MGAT4C: variants seen among roughly 807,000 people sequenced by gnomAD.
MGAT4C encodes alpha-1,3-mannosyl-glycoprotein 4-beta-N-acetylglucosaminyltransferase C.
Under a neutral mutation model 40.1 loss-of-function variants are expected in MGAT4C, and 19 were observed. The ratio of observed to expected loss-of-function variants is 0.47; its 90% CI spans 0.33 to 0.70. The LOEUF is 0.70. MGAT4C is among the 30% of genes least tolerant of loss of function. The pLI is 0.02. For missense variants in MGAT4C, 491 were observed against 563.2 expected (o/e 0.87, Z 1.30); for synonymous variants, 181 against 187.1 (o/e 0.97, Z 0.27).
At chr12:86,664,327 G>A (rs1964048908) in intron 2 of MGAT4C, among the ~76,000 whole-genome samples, 1 of 150,442 alleles carries the variant, frequency 6.6e-6, no homozygotes, top group African/African-American at 2.5e-5. Context: ...CCCTTTGCAG[G>A]ATTCCTTCTG....
At chr12:86,588,970 C>G (rs1375421838) in intron 2 of MGAT4C, among the ~76,000 whole-genome samples, 1 of 150,786 alleles carries the variant, frequency 6.6e-6, no homozygotes, top group Non-Finnish European at 1.5e-5. Context: ...AAAATTGACA[C>G]CCTAACGTCA....
At chr12:86,196,256 G>T (rs1949797312) in intron 1 of MGAT4C, among the ~76,000 whole-genome samples, 1 of 152,154 alleles carries the variant, frequency 6.6e-6, no homozygotes. Flanking sequence ...AAGGACACCA[G>T]CCCTGTTTGC....
At chr12:86,364,152 A>C (rs1193641682) in intron 3 of MGAT4C, among the ~76,000 whole-genome samples, 5 of 152,042 alleles carry the variant, frequency 3.3e-5, no homozygotes, top group South Asian at 2.1e-4. Flanking sequence ...AATTACAGTA[A>C]TCCTACAGAA....
chr12:86,836,721 T>C (rs1328944748), intron 1 of MGAT4C, among the ~76,000 whole-genome samples: 1 of 152,100 alleles, frequency 6.6e-6, no homozygotes, highest in African/African-American at 2.4e-5. Flanking sequence ...GATTTTCATA[T>C]ATGTTATATT....
rs931843777 is a variant in MGAT4C, at chr12:86,738,271, T to G, written c.-261-11030A>C. ...TATTTGTTTTCCTTCATATCTTAAT[T>G]TTTTAAATAATGTTTTTAGTGAGGT... is the stretch of plus-strand genomic sequence containing the variant. On this transcript the variant is annotated intron_variant, in intron 1 of 7. Transcript: ENST00000548651. Among the ~76,000 whole-genome samples, 17 of 151,452 alleles carry G rather than the reference T, an allele frequency of 1.1e-4. No homozygotes were observed. The Admixed American group carries it at 1.1e-3, about 10-fold the overall frequency.
intron 1 of MGAT4C, among the ~76,000 whole-genome samples, chr12:86,240,026 TAAA>T (rs1287336143): frequency 0.13 from 8,946 of 69,594 alleles, 937 homozygotes; most frequent in African/African-American, 0.29. Flanking sequence ...TAGAGTATAA[TAAA>T]AAAAAAAAAT....
intron 1 of MGAT4C, among the ~76,000 whole-genome samples, chr12:86,781,627 C>T (rs1211411062): frequency 6.6e-6 from 1 of 151,704 alleles, no homozygotes; most frequent in Admixed American, 6.6e-5. Flanking sequence ...TAGACACTTA[C>T]GGTGGCCAGA....
At chr12:86,123,603 A>G (rs1879794541) in intron 1 of MGAT4C, among the ~76,000 whole-genome samples, 1 of 152,098 alleles carries the variant, frequency 6.6e-6, no homozygotes, top group South Asian at 2.1e-4. Context: ...TGTACTAGCT[A>G]CTGTTTTAAG....
At chr12:86,172,941 T>C (rs563338562) in intron 1 of MGAT4C, among the ~76,000 whole-genome samples, 1 of 152,232 alleles carries the variant, frequency 6.6e-6, no homozygotes, top group African/African-American at 2.4e-5. Context: ...TATAAAATTA[T>C]AGAGTCATTA....
chr12:86,243,479 G>T (rs1037108377), intron 1 of MGAT4C, among the ~76,000 whole-genome samples: 7 of 152,194 alleles, frequency 4.6e-5, no homozygotes, highest in Non-Finnish European at 2.9e-5. Flanking sequence ...AGGCAAAGGT[G>T]ATGGGTCGCT....
intron 2 of MGAT4C, among the ~76,000 whole-genome samples, chr12:86,545,955 T>G (rs897563198): frequency 1.7e-4 from 26 of 151,992 alleles, no homozygotes; most frequent in African/African-American, 6.3e-4. Flanking sequence ...TTCAAAAGAT[T>G]ATATTTTTTC....
chr12:86,328,071 G>A (rs1954566953), intron 4 of MGAT4C, among the ~76,000 whole-genome samples: 1 of 152,218 alleles, frequency 6.6e-6, no homozygotes, highest in African/African-American at 2.4e-5. Flanking sequence ...CTCAAGGATG[G>A]GAAGTAGATG....
intron 2 of MGAT4C, among the ~76,000 whole-genome samples, chr12:86,723,077 C>T (rs1391349812): frequency 6.6e-6 from 1 of 152,188 alleles, no homozygotes; most frequent in Non-Finnish European, 1.5e-5. Flanking sequence ...ATGATAGCCA[C>T]ATCACACAAC....
chr12:85,975,666 T>C lies in MGAT4C; in HGVS notation c.*3623A>G, dbSNP rs573960655. The C allele has an allele frequency of 2.0e-5, 3 of 150,888 alleles. No homozygotes were observed. Among genetic ancestry groups the C allele is most frequent in the Admixed American group, 2.0e-4 (3 of 15,100 alleles). 9.3% of individuals were successfully genotyped at this position (150,888 alleles called of 1,614,324 possible). A position where few individuals can be genotyped will look rare whatever the true frequency, so the allele number is the denominator to read the frequency against. On this transcript the variant is annotated 3_prime_UTR_variant, in exon 5 of 5. Coordinates refer to ENST00000611864, the MANE Select transcript of MGAT4C (RefSeq NM_001351288.2). ...AAGACGTGGAATGACAGAAGCAAGA[T>C]CTAGAAAGTTTGGGATCATGAATCA...
intron 1 of MGAT4C, among the ~76,000 whole-genome samples, chr12:86,171,154 G>A (rs193250283): frequency 2.8e-4 from 43 of 151,726 alleles, no homozygotes; most frequent in African/African-American, 1.0e-3. Flanking sequence ...GGTGGATCAC[G>A]AGGTCAGGAG....
At position 86,732,923 on chromosome 12, in the gene MGAT4C, T is replaced by G. The variant is rs566507788; in HGVS notation, c.-261-5682A>C. On this transcript the variant is annotated intron_variant, in intron 1 of 7. Transcript: ENST00000548651. ...TAACAGTCATCAAATTGCTTCATTT[T>G]TAACATGTGGTCCTTTTCCCCCAGC... 1.8e-3 allele frequency among the ~76,000 whole-genome samples: 267 copies of G among 152,208 alleles called. 2 individuals are homozygous for G. The highest frequency in any genetic ancestry group is 6.0e-3 in the African/African-American group (248 of 41,530).
intron 2 of MGAT4C, among the ~76,000 whole-genome samples, chr12:86,532,554 T>A (rs1959003168): frequency 6.6e-6 from 1 of 152,020 alleles, no homozygotes; most frequent in African/African-American, 2.4e-5. Flanking sequence ...AAAAAGGCAT[T>A]CAAAGAATAA....
chr12:86,393,979 T>G (rs550649341), intron 3 of MGAT4C, among the ~76,000 whole-genome samples: 2 of 152,336 alleles, frequency 1.3e-5, no homozygotes, highest in South Asian at 4.1e-4. Flanking sequence ...AAGTCTGTGA[T>G]AGACTCCAAT....
At chr12:86,695,635 C>T (rs566001244) in intron 2 of MGAT4C, among the ~76,000 whole-genome samples, 1 of 152,150 alleles carries the variant, frequency 6.6e-6, no homozygotes, top group Admixed American at 6.6e-5. Context: ...GATGAAAAAA[C>T]TGAGAATCAT....
Sources: gnomAD v4.1 joint callset for allele counts (sites outside exome capture counted in the v4.1 genomes callset) on GRCh38, gnomAD v4.1.1 for gene constraint, MANE v1.5 for transcripts, NCBI Gene and HGNC (gene_info 2026-07-23, HGNC 2026-07-21) for gene names.